Variants in ASH1L observed in about 807,000 individuals in gnomAD.
ASH1L encodes histone-lysine N-methyltransferase ASH1L.
A neutral mutation model predicts 269.0 loss-of-function variants in ASH1L; 23 were observed. That is an observed-to-expected ratio of 0.09 (90% CI 0.06 to 0.12). The LOEUF (loss-of-function observed/expected upper bound fraction) is 0.12. ASH1L is among the 10% of genes least tolerant of loss of function. The pLI, the probability that ASH1L is intolerant of heterozygous loss-of-function variation, is 1.00. For missense variants in ASH1L, 2,912 were observed against 3,567.8 expected, an observed-to-expected ratio of 0.82 and a Z score of 4.68; for synonymous variants, 1,187 against 1,253.5, an observed-to-expected ratio of 0.95 and a Z score of 1.12.
Position 155,438,350 on chromosome 1 carries a change from T to C in ASH1L, c.5805A>G (p.Glu1935=). The part of the protein sequence containing the change: ...TRKKQKPLPE[E]EEQENNKSFN... ...ACCTTTTATTATTCTCTTGCTCTTCTTCCTCTGGTAATGGCTTCTGCTTTT... is the reference window on the plus strand; with the variant it reads ...ACCTTTTATTATTCTCTTGCTCTTCCTCCTCTGGTAATGGCTTCTGCTTTT... The change falls in exon 5 of 28, where the codon GAA becomes GAG. Residue 1935 remains glutamate, a synonymous_variant. Transcript: ENST00000392403. The C allele has an allele frequency of 1.3e-6, 2 of 1,573,378 alleles. No homozygotes were observed. The highest frequency in any genetic ancestry group is 8.6e-7 in the Non-Finnish European group (1 of 1,164,362).
chr1:155,405,686 C>T (rs1338852085), intron 6 of ASH1L, among the ~76,000 whole-genome samples: 2 of 151,414 alleles, frequency 1.3e-5, no homozygotes, highest in East Asian at 1.9e-4. Context: ...AAAAATTAGC[C>T]GGGCATGGTG....
intron 12 of ASH1L, among the ~76,000 whole-genome samples, chr1:155,367,000 T>G (rs918743945): frequency 5.4e-5 from 8 of 148,570 alleles, no homozygotes; most frequent in South Asian, 4.3e-4. Flanking sequence ...TTTTTTTTTT[T>G]TTTTTTTTTT....
At chr1:155,533,619 C>G (rs1187305910) in intron 1 of ASH1L, among the ~76,000 whole-genome samples, 1 of 150,280 alleles carries the variant, frequency 6.7e-6, no homozygotes, top group Admixed American at 6.7e-5. Context: ...GAGGCTGAGG[C>G]AGAAGAATCA....
chr1:155,486,494 T>C (rs551212951), intron 2 of ASH1L, among the ~76,000 whole-genome samples: 2 of 151,430 alleles, frequency 1.3e-5, no homozygotes, highest in East Asian at 1.9e-4. Flanking sequence ...AGTGTGACTA[T>C]AGTCAATAAT....
intron 5 of ASH1L, among the ~76,000 whole-genome samples, chr1:155,427,604 A>G (rs1321658118): frequency 1.4e-5 from 2 of 148,070 alleles, no homozygotes; most frequent in Non-Finnish European, 3.0e-5. Context: ...GCGCCCGGCT[A>G]ATTTTTCTAT....
At chr1:155,471,311 C>T (rs1020576800) in intron 3 of ASH1L, among the ~76,000 whole-genome samples, 19 of 152,160 alleles carry the variant, frequency 1.2e-4, no homozygotes, top group Admixed American at 3.3e-4. Context: ...GTCTCTGTTA[C>T]GACAGTGAGA....
At chr1:155,551,328 T>C (rs1432637892) in intron 1 of ASH1L, among the ~76,000 whole-genome samples, 1 of 152,108 alleles carries the variant, frequency 6.6e-6, no homozygotes, top group African/African-American at 2.4e-5. Context: ...AGAAAAATAA[T>C]CATATACCAG....
chr1:155,425,826 C>T (rs1286261027), intron 5 of ASH1L, among the ~76,000 whole-genome samples: 1 of 152,018 alleles, frequency 6.6e-6, no homozygotes, highest in African/African-American at 2.4e-5. Context: ...GATCCACCCA[C>T]CTCAGCCTCC....
At chr1:155,364,340 G>C (rs1417388476) in intron 12 of ASH1L, among the ~76,000 whole-genome samples, 3 of 152,162 alleles carry the variant, frequency 2.0e-5, no homozygotes, top group Non-Finnish European at 4.4e-5. Context: ...TTCCGCTGGG[G>C]ACATACTTAG....
In ASH1L at chr1:155,411,586, A is replaced by AT. The variant is rs1558075618; in HGVS notation, c.6008+4157_6008+4158insA. The stretch of plus-strand genomic sequence containing the variant: ...AAATATGAATATAAATAAATAAATA[A>AT]ATATATATATATATATATATATATA... On this transcript the variant is annotated intron_variant, in intron 6 of 27. Coordinates refer to ENST00000392403, the MANE Select transcript of ASH1L (RefSeq NM_018489.3). Among the ~76,000 whole-genome samples, 144 of 55,140 alleles carry AT rather than the reference A, an allele frequency of 2.6e-3. 3 individuals are homozygous for AT. The highest frequency in any genetic ancestry group is 5.5e-3 in the East Asian group (4 of 730). The allele number at this position is 55,140 out of a possible 152,430, so 36.2% of individuals were successfully genotyped here.
At chr1:155,509,453 T>C (rs1668025576) in intron 2 of ASH1L, among the ~76,000 whole-genome samples, 1 of 152,062 alleles carries the variant, frequency 6.6e-6, no homozygotes, top group African/African-American at 2.4e-5. Context: ...AGAAATTCAG[T>C]GTATGACAAA....
intron 24 of ASH1L, among the ~76,000 whole-genome samples, chr1:155,342,541 G>A (rs568377237): frequency 4.0e-4 from 61 of 152,284 alleles, no homozygotes; most frequent in Non-Finnish European, 7.1e-4. Context: ...AATGGAATAC[G>A]TAGTCTTTTA....
chr1:155,530,287 C>T (rs1455899205), intron 1 of ASH1L, among the ~76,000 whole-genome samples: 4 of 152,156 alleles, frequency 2.6e-5, no homozygotes, highest in African/African-American at 9.7e-5. Context: ...GAAATTTGAA[C>T]TCTACCAGGA....
chr1:155,538,482 C>T (rs999195016), intron 1 of ASH1L, among the ~76,000 whole-genome samples: 3 of 151,972 alleles, frequency 2.0e-5, no homozygotes, highest in East Asian at 1.9e-4. Context: ...CTCAGCCTCC[C>T]GAGTAGCCGG....
chr1:155,387,916 C>T (rs1374855810), intron 7 of ASH1L, among the ~76,000 whole-genome samples: 1 of 152,172 alleles, frequency 6.6e-6, no homozygotes, highest in Admixed American at 6.6e-5. Context: ...AGAGTTCAAT[C>T]ATGATTTGGC....
intron 3 of ASH1L, among the ~76,000 whole-genome samples, chr1:155,477,090 T>C (rs766564122): frequency 9.2e-5 from 14 of 152,230 alleles, no homozygotes; most frequent in Non-Finnish European, 1.6e-4. Flanking sequence ...AGAGGGTTTA[T>C]GGACTTCCTA....
At chr1:155,499,751 A>G (rs2148790980) in intron 2 of ASH1L, among the ~76,000 whole-genome samples, 1 of 152,346 alleles carries the variant, frequency 6.6e-6, no homozygotes, top group Non-Finnish European at 1.5e-5. Context: ...CATAAAAAGC[A>G]GTATACGAAT....
chr1:155,341,882 A>G lies in ASH1L; in HGVS notation c.8460+54T>C, dbSNP rs137884363. On this transcript the variant is annotated intron_variant, in intron 25 of 27. Transcript: ENST00000392403. ...TGAAGATTTTCGCTCAGTGAATTTC[A>G]TGCATGAACCAGATTGTCCTAACAT... 4.5e-4 allele frequency: 712 copies of G among 1,568,584 alleles called. 4 individuals are homozygous for G. In the East Asian group the frequency reaches 0.014, roughly 31 times the overall value.
At chr1:155,433,874 A>G in intron 5 of ASH1L, 2 of 1,604,348 alleles carry the variant, frequency 1.2e-6, no homozygotes, top group Non-Finnish European at 1.7e-6. Flanking sequence ...GGCTCGAAAG[A>G]GAAAGCGAAC....
Sources: allele counts gnomAD v4.1 joint callset (sites outside exome capture counted in the v4.1 genomes callset), GRCh38; gene constraint gnomAD v4.1.1; transcripts MANE v1.5; gene names NCBI Gene and HGNC (gene_info 2026-07-23, HGNC 2026-07-21).